Variants in FAF1 observed in about 807,000 individuals in gnomAD.
The protein encoded by FAF1 is FAS-associated factor 1.
A neutral mutation model predicts 92.5 loss-of-function variants in FAF1; 25 were observed. The ratio of observed to expected loss-of-function variants is 0.27; its 90% CI spans 0.20 to 0.38. The LOEUF is 0.38. Among genes scored for constraint, FAF1 ranks in the 10% least tolerant of loss-of-function variants. The probability of loss-of-function intolerance (pLI) is 1.00; values close to 1 mark genes in which losing one functional copy is unlikely to be tolerated. For synonymous variants in FAF1, 234 were observed against 273.2 expected (o/e 0.86, Z 1.42); for missense variants, 636 against 793.3 (o/e 0.80, Z 2.38).
intron 15 of FAF1, 26 bp from the exon 16 acceptor site, chr1:50,491,827 T>G (rs776726405): frequency 6.4e-7 from 1 of 1,569,180 alleles, no homozygotes; most frequent in African/African-American, 1.4e-5. Flanking sequence ...TCAAATATTT[T>G]TTGACATATA....
intron 2 of FAF1, among the ~76,000 whole-genome samples, chr1:50,848,519 T>C (rs910494743): frequency 1.3e-5 from 2 of 152,204 alleles, no homozygotes; most frequent in Non-Finnish European, 2.9e-5. Flanking sequence ...AGTCTCAAAA[T>C]ATTTCCCACA....
At chr1:50,468,750 C>A (rs534068824) in intron 18 of FAF1, among the ~76,000 whole-genome samples, 5 of 152,074 alleles carry the variant, frequency 3.3e-5, no homozygotes, top group Non-Finnish European at 5.9e-5. Context: ...TGAGCCACCA[C>A]GCCCGGCCTA....
intron 2 of FAF1, among the ~76,000 whole-genome samples, chr1:50,807,150 T>C (rs1220254159): frequency 1.3e-5 from 2 of 152,168 alleles, no homozygotes; most frequent in East Asian, 3.9e-4. Flanking sequence ...AGGAATACAA[T>C]AAAATAATAC....
chr1:50,597,749 G>A (rs906081049), intron 8 of FAF1, among the ~76,000 whole-genome samples: 10 of 152,100 alleles, frequency 6.6e-5, no homozygotes, highest in African/African-American at 2.4e-4. Flanking sequence ...GTCAATGATT[G>A]AAATATAAGG....
At chr1:50,532,299 A>C (rs1648218169) in intron 15 of FAF1, among the ~76,000 whole-genome samples, 1 of 152,212 alleles carries the variant, frequency 6.6e-6, no homozygotes, top group Non-Finnish European at 1.5e-5. Context: ...GAATTAAAGT[A>C]AATTTCTTTA....
chr1:50,526,484 A>G (rs1015663000), intron 15 of FAF1, among the ~76,000 whole-genome samples: 1 of 151,722 alleles, frequency 6.6e-6, no homozygotes, highest in African/African-American at 2.4e-5. Context: ...AATTTTTTTC[A>G]TAGAGATGGG....
At chr1:50,890,066 A>C (rs1049639993) in intron 1 of FAF1, among the ~76,000 whole-genome samples, 1 of 152,198 alleles carries the variant, frequency 6.6e-6, no homozygotes, top group African/African-American at 2.4e-5. Flanking sequence ...GGGTGCATGT[A>C]TATTTAGGAT....
At chr1:50,675,554 T>C (rs77128673) in intron 7 of FAF1, among the ~76,000 whole-genome samples, 45 of 152,354 alleles carry the variant, frequency 3.0e-4, no homozygotes, top group African/African-American at 1.1e-3. Context: ...TCTGATTCTT[T>C]GCAAGAAGCC....
intron 18 of FAF1, among the ~76,000 whole-genome samples, chr1:50,466,925 A>G (rs1646503902): frequency 6.6e-6 from 1 of 152,166 alleles, no homozygotes; most frequent in Non-Finnish European, 1.5e-5. Flanking sequence ...TTCTCCTCAT[A>G]ACAATCTACC....
intron 1 of FAF1, among the ~76,000 whole-genome samples, chr1:50,893,037 T>C (rs1010959559): frequency 6.6e-6 from 1 of 152,174 alleles, no homozygotes; most frequent in Non-Finnish European, 1.5e-5. Flanking sequence ...TTCTGCTTGA[T>C]TCTTTTTTAA....
At chr1:50,846,214 G>A (rs1363766984) in intron 2 of FAF1, among the ~76,000 whole-genome samples, 1 of 151,568 alleles carries the variant, frequency 6.6e-6, no homozygotes, top group Non-Finnish European at 1.5e-5. Flanking sequence ...TACATACGAT[G>A]TACAGCTTTC....
Position 50,692,422 on chromosome 1 carries a change from G to A in FAF1, c.657+13364C>T, listed in dbSNP as rs1046436283. Among the ~76,000 whole-genome samples the A allele has an allele frequency of 5.3e-5, 8 of 152,018 alleles. No individual in the cohort carries two copies. The East Asian group carries it at 1.5e-3, about 29-fold the overall frequency. On this transcript the variant is annotated intron_variant, in intron 7 of 18. Coordinates refer to ENST00000396153, the MANE Select transcript of FAF1 (RefSeq NM_007051.3). ...CTGTCAAACTGAAACTGTATCCTTTGACCAACATCTCCGCTTTCCTCATTC... is the reference window on the plus strand; with the variant it reads ...CTGTCAAACTGAAACTGTATCCTTTAACCAACATCTCCGCTTTCCTCATTC...
At chr1:50,952,060 G>A (rs1645218644) in intron 1 of FAF1, among the ~76,000 whole-genome samples, 2 of 152,218 alleles carry the variant, frequency 1.3e-5, no homozygotes, top group South Asian at 4.1e-4. Flanking sequence ...GACCCATGGT[G>A]ATAACCCAAT....
At chr1:50,597,577 C>T (rs912221225) in intron 8 of FAF1, among the ~76,000 whole-genome samples, 2 of 151,948 alleles carry the variant, frequency 1.3e-5, no homozygotes, top group Admixed American at 1.3e-4. Flanking sequence ...AATAATTTGA[C>T]AATTATACTA....
At chr1:50,612,914 T>C (rs1652744625) in intron 8 of FAF1, among the ~76,000 whole-genome samples, 2 of 152,228 alleles carry the variant, frequency 1.3e-5, no homozygotes, top group African/African-American at 4.8e-5. Flanking sequence ...GTTTTGTGAT[T>C]TAAAAGAACT....
chr1:50,960,210 G>A lies in FAF1; in HGVS notation c.-399C>T. ...CGAGCGAGCGAGCGGGCGGGCGAAC[G>A]CCGCGGCCGCCTCCGCCTCCTCCGC... On this transcript the variant is annotated 5_prime_UTR_variant, in exon 1 of 19. Transcript: ENST00000396153. 1 of 327,944 alleles carries A rather than the reference G, an allele frequency of 3.0e-6. No individual in the cohort carries two copies. Among genetic ancestry groups the A allele is most frequent in the East Asian group, 4.3e-5 (1 of 23,524 alleles). The allele number at this position is 327,944 out of a possible 1,614,324, so 20.3% of individuals were successfully genotyped here.
In FAF1 at chr1:50,613,770, G is replaced by C. The variant is rs186168218; in HGVS notation, c.745-17554C>G. Among the ~76,000 whole-genome samples the C allele has an allele frequency of 1.5e-3, 223 of 150,686 alleles. 1 individual carries two copies. The highest frequency in any genetic ancestry group is 5.3e-3 in the African/African-American group (219 of 41,074). On this transcript the variant is annotated intron_variant, in intron 8 of 18. Transcript: ENST00000396153. ...TGGTTCTTATATATACACATGCATTGCAAGAAAAATCTTTTATATTAAAAA... is the reference window on the plus strand; with the variant it reads ...TGGTTCTTATATATACACATGCATTCCAAGAAAAATCTTTTATATTAAAAA...
intron 8 of FAF1, among the ~76,000 whole-genome samples, chr1:50,605,706 A>G (rs1187268919): frequency 1.3e-5 from 2 of 152,358 alleles, no homozygotes; most frequent in African/African-American, 4.8e-5. Flanking sequence ...GGAAAAGAAC[A>G]TATTAAACAC....
At chr1:50,918,094 C>T (rs1644933737) in intron 1 of FAF1, among the ~76,000 whole-genome samples, 1 of 152,018 alleles carries the variant, frequency 6.6e-6, no homozygotes, top group African/African-American at 2.4e-5. Flanking sequence ...AGGAGTGGGC[C>T]ACCACACCCT....
Sources: allele counts gnomAD v4.1 joint callset (sites outside exome capture counted in the v4.1 genomes callset), GRCh38; gene constraint gnomAD v4.1.1; transcripts MANE v1.5; gene names NCBI Gene and HGNC (gene_info 2026-07-23, HGNC 2026-07-21).